The following FSTL5 variants were observed in gnomAD, a reference collection of about 807,000 sequenced individuals.
The protein encoded by FSTL5 is follistatin-related protein 5.
FSTL5 carries 62 observed loss-of-function variants against 89.1 expected under a neutral mutation model. The observed-to-expected ratio is 0.70, with a 90% CI of 0.57 to 0.86. The LOEUF (loss-of-function observed/expected upper bound fraction) is 0.86, where lower values mean the gene tolerates loss of function less well. Among genes scored for constraint, FSTL5 ranks in the 40% least tolerant of loss-of-function variants. The probability of loss-of-function intolerance (pLI) is 0.00; values close to 1 mark genes in which losing one functional copy is unlikely to be tolerated. For missense variants in FSTL5, 1,057 were observed against 1,001.6 expected, an observed-to-expected ratio of 1.06 and a Z score of -0.75; for synonymous variants, 383 against 346.2, an observed-to-expected ratio of 1.11 and a Z score of -1.18.
At chr4:162,034,135 C>T (rs1365595113) in intron 2 of FSTL5, among the ~76,000 whole-genome samples, 1 of 151,878 alleles carries the variant, frequency 6.6e-6, no homozygotes, top group Non-Finnish European at 1.5e-5. Flanking sequence ...AGTAATAACT[C>T]TTGGTGGGCA....
chr4:161,612,709 T>C (rs557335064), intron 7 of FSTL5, among the ~76,000 whole-genome samples: 2 of 152,280 alleles, frequency 1.3e-5, no homozygotes, highest in South Asian at 4.1e-4. Flanking sequence ...GAAATTTCTT[T>C]TGTGGACTGA....
At chr4:162,032,018 AG>A (rs1238571887) in intron 3 of FSTL5, among the ~76,000 whole-genome samples, 1 of 152,152 alleles carries the variant, frequency 6.6e-6, no homozygotes, top group Non-Finnish European at 1.5e-5. Flanking sequence ...TAATAGTGAA[AG>A]GAGTGACAAG....
At chr4:161,491,461 T>C (rs956605876) in intron 12 of FSTL5, among the ~76,000 whole-genome samples, 2 of 151,826 alleles carry the variant, frequency 1.3e-5, no homozygotes, top group African/African-American at 4.8e-5. Flanking sequence ...TTTGCTCCTA[T>C]CATAAGGAGC....
At chr4:161,713,184 T>G (rs1194909332) in intron 6 of FSTL5, among the ~76,000 whole-genome samples, 1 of 152,182 alleles carries the variant, frequency 6.6e-6, no homozygotes, top group Non-Finnish European at 1.5e-5. Context: ...CTTTCTAGTC[T>G]TGCTACAAAA....
At chr4:161,423,293 T>C (rs576253939) in intron 15 of FSTL5, among the ~76,000 whole-genome samples, 3 of 152,298 alleles carry the variant, frequency 2.0e-5, no homozygotes, top group Admixed American at 1.3e-4. Context: ...TTCCTGGAAA[T>C]AGTCTTCTAA....
intron 15 of FSTL5, among the ~76,000 whole-genome samples, chr4:161,448,763 C>T (rs1263899419): frequency 6.6e-6 from 1 of 152,110 alleles, no homozygotes; most frequent in Non-Finnish European, 1.5e-5. Context: ...TTACTACCCC[C>T]ATTTGGCTCC....
chr4:162,015,342 G>C (rs1725356575), intron 3 of FSTL5, among the ~76,000 whole-genome samples: 1 of 152,158 alleles, frequency 6.6e-6, no homozygotes, highest in African/African-American at 2.4e-5. Context: ...TACTTGGTTT[G>C]ATTCCTGACT....
chr4:161,463,039 T>A (rs1038831250), intron 13 of FSTL5, among the ~76,000 whole-genome samples: 2 of 152,154 alleles, frequency 1.3e-5, no homozygotes, highest in African/African-American at 2.4e-5. Context: ...CGAATATTTT[T>A]ATGAATGGAA....
intron 6 of FSTL5, among the ~76,000 whole-genome samples, chr4:161,726,290 G>T: frequency 7.9e-6 from 1 of 127,188 alleles, no homozygotes; most frequent in Non-Finnish European, 1.6e-5. Context: ...GCAGTGGCAA[G>T]ATCTCGGCTC....
intron 15 of FSTL5, among the ~76,000 whole-genome samples, chr4:161,453,852 C>T (rs1014305354): frequency 6.6e-6 from 1 of 152,104 alleles, no homozygotes; most frequent in African/African-American, 2.4e-5. Context: ...CCTTAGCCTC[C>T]CACAATGCTG....
intron 11 of FSTL5, among the ~76,000 whole-genome samples, chr4:161,509,046 T>C (rs1414850045): frequency 6.6e-6 from 1 of 152,238 alleles, no homozygotes; most frequent in Non-Finnish European, 1.5e-5. Context: ...ATCACTCTTG[T>C]AATCCCAGTA....
intron 4 of FSTL5, among the ~76,000 whole-genome samples, chr4:161,851,611 A>C (rs1478392785): frequency 6.6e-6 from 1 of 152,108 alleles, no homozygotes; most frequent in East Asian, 1.9e-4. Context: ...ACATTGTTAT[A>C]TTTTGCCACA....
chr4:161,848,036 C>CAAAAAAAAAAAAAAAAAAAA (rs139315536), intron 4 of FSTL5, among the ~76,000 whole-genome samples: 1 of 48,222 alleles, frequency 2.1e-5, no homozygotes. Context: ...GACTCCGTCT[C>CAAAAAAAAAAAAAAAAAAAA]AAAAAAAAAA....
At chr4:161,488,433 T>C (rs925620859) in intron 12 of FSTL5, among the ~76,000 whole-genome samples, 1 of 152,124 alleles carries the variant, frequency 6.6e-6, no homozygotes, top group Non-Finnish European at 1.5e-5. Context: ...CTTTCAGCTA[T>C]ACAATAAAAA....
chr4:161,902,640 G>T (rs903021962), intron 4 of FSTL5, among the ~76,000 whole-genome samples: 3 of 152,120 alleles, frequency 2.0e-5, no homozygotes, highest in Admixed American at 1.3e-4. Context: ...GAGGTCAGGA[G>T]ATCGAGACCA....
At chr4:161,488,953 C>G (rs1729775008) in intron 12 of FSTL5, among the ~76,000 whole-genome samples, 1 of 151,984 alleles carries the variant, frequency 6.6e-6, no homozygotes, top group African/African-American at 2.4e-5. Context: ...GAGCAAATCA[C>G]TTGATCTTTC....
intron 15 of FSTL5, 144 bp from the exon 16 acceptor site, chr4:161,386,593 A>G: frequency 1.6e-6 from 1 of 607,312 alleles, no homozygotes; most frequent in South Asian, 2.1e-5. Flanking sequence ...TGCTAGAATT[A>G]ATCTGTAGAT....
chr4:161,573,855 G>A (rs1486988814), intron 8 of FSTL5, among the ~76,000 whole-genome samples: 1 of 151,970 alleles, frequency 6.6e-6, no homozygotes, highest in Non-Finnish European at 1.5e-5. Context: ...AAATTTAGTG[G>A]CTTAAGGCAA....
At chr4:161,960,236 G>A (rs1364339209) in intron 3 of FSTL5, among the ~76,000 whole-genome samples, 2 of 143,856 alleles carry the variant, frequency 1.4e-5, no homozygotes, top group East Asian at 2.1e-4. Flanking sequence ...GCACAATCTC[G>A]ACTCACTGCA....
Sources: gnomAD v4.1 joint callset for allele counts (sites outside exome capture counted in the v4.1 genomes callset) on GRCh38, gnomAD v4.1.1 for gene constraint, MANE v1.5 for transcripts, NCBI Gene and HGNC (gene_info 2026-07-23, HGNC 2026-07-21) for gene names.